Variants in TRPC4 observed in about 807,000 individuals in gnomAD.
The protein encoded by TRPC4 is short transient receptor potential channel 4.
A neutral mutation model predicts 99.4 loss-of-function variants in TRPC4; 49 were observed. That is an observed-to-expected ratio of 0.49 (90% confidence interval 0.39 to 0.63). The LOEUF (loss-of-function observed/expected upper bound fraction) is 0.63, where lower values mean the gene tolerates loss of function less well. Ranked by LOEUF, TRPC4 falls within the 20% of genes least tolerant of loss-of-function variation. TRPC4 has a pLI of 0.00. For synonymous variants in TRPC4, 454 were observed against 425.9 expected (o/e 1.07, Z -0.81); for missense variants, 898 against 1,152.9 (o/e 0.78, Z 3.20).
chr13:37,649,731 C>CAAAAAAAAAAAAAA (rs775364702), intron 8 of TRPC4, among the ~76,000 whole-genome samples: 6 of 62,706 alleles, frequency 9.6e-5, no homozygotes, highest in East Asian at 1.3e-3. Context: ...GACTCCGTCT[C>CAAAAAAAAAAAAAA]AAAAAAAAAA....
intron 4 of TRPC4, among the ~76,000 whole-genome samples, chr13:37,677,589 C>T (rs1269269468): frequency 3.9e-5 from 6 of 151,968 alleles, no homozygotes; most frequent in South Asian, 2.1e-4. Context: ...GATAAAAAGG[C>T]GAATTTGCTG....
chr13:37,842,186 C>A (rs1356626952), intron 1 of TRPC4, among the ~76,000 whole-genome samples: 2 of 149,980 alleles, frequency 1.3e-5, no homozygotes, highest in Admixed American at 6.7e-5. Flanking sequence ...AGGAGAAATG[C>A]ATGAACCCAG....
intron 1 of TRPC4, among the ~76,000 whole-genome samples, chr13:37,851,003 C>G (rs562450561): frequency 6.6e-6 from 1 of 152,190 alleles, no homozygotes; most frequent in African/African-American, 2.4e-5. Context: ...TATCAGAAAG[C>G]TGCTGAAAAT....
rs140687730 is a variant in TRPC4 at position 37,687,398 on chromosome 13, T to G, written c.1234+4601A>C. On this transcript the variant is annotated intron_variant, in intron 4 of 10. Coordinates refer to ENST00000379705, the MANE Select transcript of TRPC4 (RefSeq NM_016179.4). ...GCAAAGGGATAATTTATAGCAAAAT[T>G]TGTTTGTTACAATCGGAGTTAGAAT... Among the ~76,000 whole-genome samples the G allele has an allele frequency of 9.5e-4, 143 of 150,342 alleles. 1 individual carries two copies. In the South Asian group the frequency reaches 0.013, roughly 14 times the overall value.
intron 3 of TRPC4, among the ~76,000 whole-genome samples, chr13:37,741,036 G>A (rs1217599675): frequency 9.2e-5 from 14 of 152,110 alleles, no homozygotes; most frequent in South Asian, 2.1e-4. Context: ...AAAGGGAAAG[G>A]CAAATTAAAT....
chr13:37,811,906 T>C (rs950175969), intron 1 of TRPC4, among the ~76,000 whole-genome samples: 1 of 152,024 alleles, frequency 6.6e-6, no homozygotes, highest in Non-Finnish European at 1.5e-5. Context: ...CTCACGCCTG[T>C]AATCCCAACA....
At chr13:37,679,530 G>A (rs1953167594) in intron 4 of TRPC4, among the ~76,000 whole-genome samples, 1 of 152,050 alleles carries the variant, frequency 6.6e-6, no homozygotes, top group Admixed American at 6.6e-5. Context: ...TCATTAATTA[G>A]TGAAAATAAA....
intron 4 of TRPC4, among the ~76,000 whole-genome samples, chr13:37,691,791 GT>G (rs1953720972): frequency 6.6e-6 from 1 of 152,150 alleles, no homozygotes; most frequent in Admixed American, 6.5e-5. Context: ...AAAATTTAAG[GT>G]TACGTTTCTT....
chr13:37,747,723 T>C (rs760804817), intron 2 of TRPC4, among the ~76,000 whole-genome samples: 1 of 152,180 alleles, frequency 6.6e-6, no homozygotes, highest in African/African-American at 2.4e-5. Context: ...ATTGGTTTCA[T>C]GAGAAACACT....
intron 4 of TRPC4, among the ~76,000 whole-genome samples, chr13:37,677,835 C>T (rs9532098): frequency 0.61 from 93,140 of 151,884 alleles, 29,504 homozygotes; most frequent in East Asian, 0.8. Context: ...ATTTCTTGCT[C>T]GTGCACATGG....
intron 8 of TRPC4, among the ~76,000 whole-genome samples, chr13:37,644,796 C>A (rs1177436225): frequency 3.5e-5 from 5 of 142,550 alleles, no homozygotes; most frequent in Non-Finnish European, 7.5e-5. Context: ...TGGCGTGAAC[C>A]CGGGAGGTGG....
chr13:37,828,156 A>G (rs1308018125), intron 1 of TRPC4, among the ~76,000 whole-genome samples: 1 of 152,048 alleles, frequency 6.6e-6, no homozygotes, highest in Non-Finnish European at 1.5e-5. Context: ...GCACCCACTG[A>G]CCTGCACCCA....
At chr13:37,762,872 A>G (rs893971442) in intron 2 of TRPC4, among the ~76,000 whole-genome samples, 1 of 151,592 alleles carries the variant, frequency 6.6e-6, no homozygotes, top group Admixed American at 6.6e-5. Flanking sequence ...TATAATAATA[A>G]TAAAATAAAA....
chr13:37,800,110 G>A (rs1231461151), intron 1 of TRPC4, among the ~76,000 whole-genome samples: 1 of 152,196 alleles, frequency 6.6e-6, no homozygotes, highest in Non-Finnish European at 1.5e-5. Flanking sequence ...TTGTTAAAAT[G>A]TTGTTTAAGT....
intron 8 of TRPC4, among the ~76,000 whole-genome samples, chr13:37,643,138 G>C (rs907668437): frequency 2.0e-5 from 3 of 152,130 alleles, no homozygotes; most frequent in Non-Finnish European, 2.9e-5. Flanking sequence ...GATAATCCTG[G>C]CACTGTATAT....
chr13:37,745,102 A>G (rs1330401724), intron 3 of TRPC4, among the ~76,000 whole-genome samples: 1 of 152,134 alleles, frequency 6.6e-6, no homozygotes, highest in Admixed American at 6.6e-5. Context: ...ACTGATATAA[A>G]TAAAACAATA....
intron 6 of TRPC4, among the ~76,000 whole-genome samples, chr13:37,658,467 A>G (rs1952317538): frequency 1.3e-5 from 2 of 152,166 alleles, no homozygotes; most frequent in Non-Finnish European, 2.9e-5. Context: ...ATCCCATGGG[A>G]CTAAAACAAT....
chr13:37,679,597 A>C (rs1389473090), intron 4 of TRPC4, among the ~76,000 whole-genome samples: 1 of 152,160 alleles, frequency 6.6e-6, no homozygotes, highest in Non-Finnish European at 1.5e-5. Context: ...TTATATTCAA[A>C]TTTATAACTC....
chr13:37,733,409 A>G lies in TRPC4; in HGVS notation c.897+12528T>C, dbSNP rs559830893. ...TTTGCATTTATCTCTAATCTATCCC[A>G]TCAAGCTTTTGGAGATGATGGATAT... On this transcript the variant is annotated intron_variant, in intron 3 of 10. Coordinates refer to ENST00000379705, the MANE Select transcript of TRPC4 (RefSeq NM_016179.4). 3.9e-5 allele frequency among the ~76,000 whole-genome samples: 6 copies of G among 152,276 alleles called. No individual in the cohort carries two copies. In the South Asian group the frequency reaches 1.2e-3, roughly 32 times the overall value.
Sources: allele counts gnomAD v4.1 joint callset (sites outside exome capture counted in the v4.1 genomes callset), GRCh38; gene constraint gnomAD v4.1.1; transcripts MANE v1.5; gene names NCBI Gene and HGNC (gene_info 2026-07-23, HGNC 2026-07-21).